The following PRKN variants were observed in gnomAD, a reference collection of about 807,000 sequenced individuals.
PRKN encodes the protein parkin RBR E3 ubiquitin protein ligase.
PRKN carries 56 observed loss-of-function variants against 59.5 expected under a neutral mutation model. That is an observed-to-expected ratio of 0.94 (90% CI 0.76 to 1.18). The LOEUF is 1.18. PRKN is among the 50% of genes most tolerant of loss of function. PRKN has a pLI of 0.00. For missense variants in PRKN, 657 were observed against 596.4 expected (o/e 1.10, Z -1.06); for synonymous variants, 250 against 222.1 (o/e 1.13, Z -1.12).
intron 9 of PRKN, among the ~76,000 whole-genome samples, chr6:161,469,991 A>G (rs141520285): frequency 3.6e-4 from 55 of 152,364 alleles, no homozygotes; most frequent in Non-Finnish European, 7.2e-4. Context: ...AGTGCTTACT[A>G]TGAACCGGGC....
At chr6:162,434,425 G>A (rs1322617658) in intron 2 of PRKN, among the ~76,000 whole-genome samples, 1 of 152,010 alleles carries the variant, frequency 6.6e-6, no homozygotes, top group Non-Finnish European at 1.5e-5. Context: ...ATCTTCACTT[G>A]TCCAATGTGA....
intron 1 of PRKN, among the ~76,000 whole-genome samples, chr6:162,590,522 T>C (rs991091894): frequency 9.2e-5 from 14 of 152,294 alleles, no homozygotes; most frequent in Middle Eastern, 3.4e-3. Context: ...AAAGCATCCA[T>C]TGATCTTGCG....
intron 2 of PRKN, among the ~76,000 whole-genome samples, chr6:162,267,411 C>T (rs1042738191): frequency 4.0e-5 from 6 of 151,892 alleles, no homozygotes; most frequent in African/African-American, 1.5e-4. Context: ...CTACTTAGTT[C>T]TCCTAGTATA....
chr6:162,395,324 T>C (rs551518325), intron 2 of PRKN, among the ~76,000 whole-genome samples: 1 of 152,314 alleles, frequency 6.6e-6, no homozygotes, highest in African/African-American at 2.4e-5. Context: ...AAGCCAGCTG[T>C]CCTGCCATGG....
intron 5 of PRKN, among the ~76,000 whole-genome samples, chr6:162,011,663 C>T (rs898716435): frequency 4.7e-5 from 7 of 148,940 alleles, no homozygotes; most frequent in Admixed American, 2.1e-4. Flanking sequence ...ACCTTGATAG[C>T]GGTGTTTGTT....
intron 9 of PRKN, among the ~76,000 whole-genome samples, chr6:161,425,267 G>A (rs1788288108): frequency 6.6e-6 from 1 of 152,164 alleles, no homozygotes; most frequent in African/African-American, 2.4e-5. Flanking sequence ...ACTGACTCGT[G>A]TTAGAGAGCA....
intron 6 of PRKN, among the ~76,000 whole-genome samples, chr6:161,890,268 T>A (rs1195821233): frequency 6.6e-6 from 1 of 152,198 alleles, no homozygotes; most frequent in African/African-American, 2.4e-5. Context: ...GAGTCCCTGT[T>A]CTCTTTGCCA....
rs71004079 is a variant in PRKN, at chr6:162,096,848, A to ATTTTT, written c.535-42679_535-42675dup. 6.0e-3 allele frequency among the ~76,000 whole-genome samples: 296 copies of ATTTTT among 49,210 alleles called. 36 individuals are homozygous for ATTTTT. Among genetic ancestry groups the ATTTTT allele is most frequent in the African/African-American group, 0.02 (228 of 11,242 alleles). The allele number at this position is 49,210 out of a possible 152,430, so 32.3% of individuals were successfully genotyped here. On this transcript the variant is annotated intron_variant, in intron 4 of 11. Coordinates refer to ENST00000366898, the MANE Select transcript of PRKN (RefSeq NM_004562.3). ...GTGAGAATGGACTCATACAGCTGGA[A>ATTTTT]TTTTTTTTTTTTTTTTTTTTTTTTT...
At position 161,579,725 on chromosome 6, in the gene PRKN, G is replaced by C. The variant is rs545686052; in HGVS notation, c.872-10309C>G. Reference sequence around the variant, plus strand: ...TCCTTAAAAATGAGGTAAAGAGAGGGGCTGGGGGTAAAGTGGAATGGGGCA... The same window carrying C: ...TCCTTAAAAATGAGGTAAAGAGAGGCGCTGGGGGTAAAGTGGAATGGGGCA... On this transcript the variant is annotated intron_variant, in intron 7 of 11. Transcript: ENST00000366898. This position sits in a 1 kb window ranked among gnomAD's most constrained non-coding sequence, Gnocchi z 4.2. 6.6e-6 allele frequency among the ~76,000 whole-genome samples: 1 copy of C among 151,704 alleles called. No individual in the cohort carries two copies. Among genetic ancestry groups the C allele is most frequent in the South Asian group, 2.1e-4 (1 of 4,818 alleles).
At chr6:161,672,012 G>A (rs1269169420) in intron 7 of PRKN, among the ~76,000 whole-genome samples, 4 of 152,114 alleles carry the variant, frequency 2.6e-5, no homozygotes, top group Non-Finnish European at 2.9e-5. Flanking sequence ...TGCTTGGAGC[G>A]GTCCACACAC....
chr6:162,723,389 T>C (rs1342079971), intron 1 of PRKN, among the ~76,000 whole-genome samples: 1 of 152,222 alleles, frequency 6.6e-6, no homozygotes, highest in African/African-American at 2.4e-5. Flanking sequence ...GGCACTCTTA[T>C]ACACACTGAA....
At chr6:161,854,315 TA>T (rs1052110202) in intron 6 of PRKN, among the ~76,000 whole-genome samples, 4 of 151,456 alleles carry the variant, frequency 2.6e-5, no homozygotes, top group African/African-American at 4.8e-5. Context: ...AAATTAAGAT[TA>T]AAAAATATTA....
intron 6 of PRKN, among the ~76,000 whole-genome samples, chr6:161,932,833 T>TC (rs997788880): frequency 5.3e-5 from 8 of 152,154 alleles, no homozygotes; most frequent in Admixed American, 3.9e-4. Flanking sequence ...CTTTTTTTTT[T>TC]CAAGAACAAA....
intron 1 of PRKN, among the ~76,000 whole-genome samples, chr6:162,457,709 G>A (rs975132681): frequency 2.0e-5 from 3 of 152,122 alleles, no homozygotes; most frequent in Non-Finnish European, 1.5e-5. Flanking sequence ...ACACTGTAAT[G>A]AGTGTGTTGT....
chr6:162,680,846 A>G (rs1779743707), intron 1 of PRKN, among the ~76,000 whole-genome samples: 1 of 152,138 alleles, frequency 6.6e-6, no homozygotes, highest in Non-Finnish European at 1.5e-5. Flanking sequence ...ATTTTTTAAC[A>G]CTGCACAAAA....
At chr6:161,709,765 A>C (rs1432505307) in intron 7 of PRKN, among the ~76,000 whole-genome samples, 1 of 152,208 alleles carries the variant, frequency 6.6e-6, no homozygotes, top group Non-Finnish European at 1.5e-5. Context: ...TCCATGTATT[A>C]AGCTTTAAGC....
intron 1 of PRKN, among the ~76,000 whole-genome samples, chr6:162,547,578 T>C (rs1319500422): frequency 1.3e-5 from 2 of 152,062 alleles, no homozygotes; most frequent in Non-Finnish European, 2.9e-5. Context: ...CAGTTAGTTA[T>C]TATTATTATA....
At chr6:161,787,961 C>T (rs1562685071) in intron 6 of PRKN, among the ~76,000 whole-genome samples, 1 of 152,154 alleles carries the variant, frequency 6.6e-6, no homozygotes, top group South Asian at 2.1e-4. Context: ...AACAAAAAAG[C>T]TTAGAAATGA....
At chr6:161,915,699 C>A (rs1778529237) in intron 6 of PRKN, among the ~76,000 whole-genome samples, 1 of 151,554 alleles carries the variant, frequency 6.6e-6, no homozygotes, top group East Asian at 1.9e-4. Context: ...CAGGCCATTG[C>A]ACATGCAAAC....
Sources: gnomAD v4.1 joint callset for allele counts (sites outside exome capture counted in the v4.1 genomes callset) on GRCh38, gnomAD v4.1.1 for gene constraint, Gnocchi (gnomAD v3.1) non-coding constraint, MANE v1.5 for transcripts, NCBI Gene and HGNC (gene_info 2026-07-23, HGNC 2026-07-21) for gene names.